Variants in RABGAP1L observed in about 807,000 individuals in gnomAD.
RABGAP1L encodes rab GTPase-activating protein 1-like.
A neutral mutation model predicts 137.7 loss-of-function variants in RABGAP1L; 63 were observed. The ratio of observed to expected loss-of-function variants is 0.46; its 90% CI spans 0.37 to 0.56. The LOEUF is 0.56. Among genes scored for constraint, RABGAP1L ranks in the 20% least tolerant of loss-of-function variants. RABGAP1L has a pLI of 0.00. For synonymous variants in RABGAP1L, 431 were observed against 433.7 expected, an observed-to-expected ratio of 0.99 and a Z score of 0.08; for missense variants, 1,095 against 1,244.0, an observed-to-expected ratio of 0.88 and a Z score of 1.80.
chr1:174,573,947 T>A (rs1035456990), intron 13 of RABGAP1L, among the ~76,000 whole-genome samples: 2 of 152,220 alleles, frequency 1.3e-5, no homozygotes, highest in Non-Finnish European at 2.9e-5. Flanking sequence ...AATAATAATG[T>A]GAACAAGATT....
chr1:174,914,717 G>A (rs1660572429), intron 19 of RABGAP1L, among the ~76,000 whole-genome samples: 1 of 151,924 alleles, frequency 6.6e-6, no homozygotes, highest in African/African-American at 2.4e-5. Flanking sequence ...TCACCTGTTT[G>A]TGCAATTTAG....
intron 13 of RABGAP1L, among the ~76,000 whole-genome samples, chr1:174,444,096 A>C (rs1157679287): frequency 6.6e-6 from 1 of 151,912 alleles, no homozygotes; most frequent in Non-Finnish European, 1.5e-5. Flanking sequence ...GTGTATTTGG[A>C]GTCAGGTAGA....
intron 17 of RABGAP1L, among the ~76,000 whole-genome samples, chr1:174,707,348 T>C (rs189083931): frequency 6.6e-6 from 1 of 152,184 alleles, no homozygotes; most frequent in African/African-American, 2.4e-5. Flanking sequence ...ATCTCTGAAG[T>C]TGCATACAGG....
chr1:174,631,099 T>C (rs1673345945), intron 13 of RABGAP1L, among the ~76,000 whole-genome samples: 1 of 123,410 alleles, frequency 8.1e-6, no homozygotes, highest in Admixed American at 8.4e-5. Flanking sequence ...TGTGTCTTTG[T>C]TCTCGTTGGT....
chr1:174,550,983 C>CATATATATATACACATATATATAT (rs1422356201), intron 13 of RABGAP1L, among the ~76,000 whole-genome samples: 2 of 83,426 alleles, frequency 2.4e-5, no homozygotes, highest in African/African-American at 2.0e-4. Context: ...TGTATATATA[C>CATATATATATACACATATATATAT]ATATATATAT....
chr1:174,539,502 C>G (rs1314922069), intron 13 of RABGAP1L, among the ~76,000 whole-genome samples: 1 of 152,134 alleles, frequency 6.6e-6, no homozygotes, highest in Admixed American at 6.6e-5. Context: ...CCCAAGTGTT[C>G]TCATTGTTCA....
chr1:174,709,951 A>G (rs1488269393), intron 17 of RABGAP1L, among the ~76,000 whole-genome samples: 3 of 152,238 alleles, frequency 2.0e-5, no homozygotes, highest in Admixed American at 2.0e-4. Context: ...TAGAATAACT[A>G]GTTTAGAGAA....
chr1:174,329,771 C>G (rs1558137889), intron 11 of RABGAP1L, among the ~76,000 whole-genome samples: 1 of 151,146 alleles, frequency 6.6e-6, no homozygotes, highest in Non-Finnish European at 1.5e-5. Context: ...TGACAGACTT[C>G]ATCTTTTTGT....
chr1:174,261,841 A>C (rs891146692), intron 7 of RABGAP1L, among the ~76,000 whole-genome samples: 4 of 152,170 alleles, frequency 2.6e-5, no homozygotes, highest in African/African-American at 9.7e-5. Flanking sequence ...CTCTTATGTG[A>C]ATTAGTACGT....
At chr1:174,564,107 T>C (rs908330926) in intron 13 of RABGAP1L, among the ~76,000 whole-genome samples, 2 of 152,202 alleles carry the variant, frequency 1.3e-5, no homozygotes, top group African/African-American at 4.8e-5. Context: ...CACATTTTAG[T>C]ATAATTTTCT....
chr1:174,661,151 T>C (rs1676341967), intron 14 of RABGAP1L, among the ~76,000 whole-genome samples: 2 of 152,198 alleles, frequency 1.3e-5, no homozygotes, highest in African/African-American at 4.8e-5. Flanking sequence ...TTTAAGTAAA[T>C]TTTTTAACAA....
intron 17 of RABGAP1L, among the ~76,000 whole-genome samples, chr1:174,744,447 C>G (rs1683709086): frequency 6.6e-6 from 1 of 152,108 alleles, no homozygotes; most frequent in Non-Finnish European, 1.5e-5. Context: ...ATCAGAGAAG[C>G]CAAATGGATT....
intron 9 of RABGAP1L, 61 bp from the exon 10 acceptor site, chr1:174,278,552 T>C: frequency 7.4e-7 from 1 of 1,349,104 alleles, no homozygotes; most frequent in Non-Finnish European, 1.0e-6. Flanking sequence ...TGAGGAAACT[T>C]TGTTTAAAGT....
intron 20 of RABGAP1L, among the ~76,000 whole-genome samples, chr1:174,958,971 A>AG (rs1668854062): frequency 6.6e-6 from 1 of 152,204 alleles, no homozygotes; most frequent in Admixed American, 6.5e-5. Flanking sequence ...TATTTTATGA[A>AG]GCCTACTACT....
chr1:174,775,729 A>G (rs2148745029), intron 18 of RABGAP1L, among the ~76,000 whole-genome samples: 1 of 152,184 alleles, frequency 6.6e-6, no homozygotes, highest in East Asian at 1.9e-4. Context: ...CCCAAGGGAG[A>G]CATTCCAAGG....
At position 174,272,424 on chromosome 1, in the gene RABGAP1L, A is replaced by T. The variant is rs1435037952; in HGVS notation, c.997A>T (p.Met333Leu). Reference protein sequence around the residue: ...KELAIERCFGMLLSPGRNVKN... With the variant: ...KELAIERCFGLLLSPGRNVKN... ...CCCCAATATTTTCAGATGTTTTGGA[A>T]TGTTATTAAGCCCAGGTCGAAACGT... The change falls in exon 8 of 26, where the codon ATG becomes TTG. Residue 333 changes from methionine to leucine, a missense_variant. Transcript: ENST00000681986. The T allele has an allele frequency of 2.5e-6, 4 of 1,602,386 alleles. No homozygotes were observed. The highest frequency in any genetic ancestry group is 3.4e-6 in the Non-Finnish European group (4 of 1,175,666).
chr1:174,505,748 A>T (rs1002071404), intron 13 of RABGAP1L, among the ~76,000 whole-genome samples: 8 of 152,146 alleles, frequency 5.3e-5, no homozygotes, highest in Middle Eastern at 3.2e-3. Context: ...GGATGTTCCT[A>T]AAAAAATTAA....
chr1:174,874,749 G>T (rs1652810687), intron 19 of RABGAP1L, among the ~76,000 whole-genome samples: 1 of 151,938 alleles, frequency 6.6e-6, no homozygotes, highest in Non-Finnish European at 1.5e-5. Context: ...GAGGGTATTG[G>T]TGTAGCTGTT....
At chr1:174,492,754 T>C (rs1660381731) in intron 13 of RABGAP1L, among the ~76,000 whole-genome samples, 1 of 152,146 alleles carries the variant, frequency 6.6e-6, no homozygotes, top group Non-Finnish European at 1.5e-5. Flanking sequence ...TTCCATTACA[T>C]GAAGGCTTTG....
Sources: allele counts gnomAD v4.1 joint callset (sites outside exome capture counted in the v4.1 genomes callset), GRCh38; gene constraint gnomAD v4.1.1; transcripts MANE v1.5; gene names NCBI Gene and HGNC (gene_info 2026-07-23, HGNC 2026-07-21).